The following NRXN3 variants were observed in gnomAD, a reference collection of about 807,000 sequenced individuals.
NRXN3 encodes neurexin III.
A neutral mutation model predicts 137.6 loss-of-function variants in NRXN3; 32 were observed. The observed-to-expected ratio is 0.23, with a 90% CI of 0.18 to 0.31. NRXN3 has a LOEUF of 0.31. Ranked by LOEUF, NRXN3 falls within the 10% of genes least tolerant of loss-of-function variation. NRXN3 has a pLI of 1.00. For synonymous variants in NRXN3, 798 were observed against 784.5 expected (o/e 1.02, Z -0.29); for missense variants, 1,574 against 2,062.5 (o/e 0.76, Z 4.59).
At chr14:79,298,443 C>T (rs1312191547) in intron 15 of NRXN3, among the ~76,000 whole-genome samples, 1 of 152,036 alleles carries the variant, frequency 6.6e-6, no homozygotes, top group Non-Finnish European at 1.5e-5. Flanking sequence ...ATCGAGCATT[C>T]TTAACCAGAT....
chr14:78,662,644 T>A (rs1238055196), intron 6 of NRXN3, among the ~76,000 whole-genome samples: 1 of 152,238 alleles, frequency 6.6e-6, no homozygotes, highest in Non-Finnish European at 1.5e-5. Context: ...TGATTTTATA[T>A]GATAGATCTA....
chr14:79,229,090 G>A (rs2071631020), intron 15 of NRXN3, among the ~76,000 whole-genome samples: 1 of 152,084 alleles, frequency 6.6e-6, no homozygotes. Context: ...TAGGACCCAA[G>A]TTAATCAAAT....
chr14:79,005,266 G>A (rs908026250), intron 15 of NRXN3, among the ~76,000 whole-genome samples: 6 of 152,128 alleles, frequency 3.9e-5, no homozygotes, highest in African/African-American at 4.8e-5. Flanking sequence ...TCCCTTGCTC[G>A]GTTTCTTGGC....
chr14:78,796,755 G>A (rs1037383981), intron 8 of NRXN3, among the ~76,000 whole-genome samples: 3 of 152,182 alleles, frequency 2.0e-5, no homozygotes, highest in Non-Finnish European at 2.9e-5. Flanking sequence ...CATCCAGGAG[G>A]AAGAGTCTTA....
chr14:78,708,879 C>T (rs757768878), intron 6 of NRXN3, among the ~76,000 whole-genome samples: 12 of 152,176 alleles, frequency 7.9e-5, no homozygotes, highest in Non-Finnish European at 1.6e-4. Flanking sequence ...AAGGGTGCTT[C>T]AGTAAATCAC....
rs184776718 is a variant in NRXN3, at chr14:78,222,992, C to T, written c.-703-19399C>T. ...ATATCCATCTCCACATAAAAGAATT[C>T]AAAACTTATTTTTGGTAATGTCACT... On this transcript the variant is annotated intron_variant, in intron 1 of 20. Coordinates refer to ENST00000335750, the MANE Select transcript of NRXN3 (RefSeq NM_001330195.2). 3.4e-3 allele frequency among the ~76,000 whole-genome samples: 517 copies of T among 152,276 alleles called. 2 individuals are homozygous for T. Among genetic ancestry groups the T allele is most frequent in the Non-Finnish European group, 4.9e-3 (332 of 68,008 alleles).
chr14:78,524,978 C>T (rs2096355328), intron 4 of NRXN3, among the ~76,000 whole-genome samples: 1 of 152,172 alleles, frequency 6.6e-6, no homozygotes. Context: ...CTAATCCGCT[C>T]GGCATAATCC....
chr14:79,087,941 A>AGTTGTTATTT (rs2048429993), intron 15 of NRXN3, among the ~76,000 whole-genome samples: 1 of 150,796 alleles, frequency 6.6e-6, no homozygotes, highest in Non-Finnish European at 1.5e-5. Flanking sequence ...GGAAATAACA[A>AGTTGTTATTT]CTAGTTGTTT....
At chr14:79,174,282 T>C (rs1256762902) in intron 15 of NRXN3, among the ~76,000 whole-genome samples, 1 of 151,756 alleles carries the variant, frequency 6.6e-6, no homozygotes, top group East Asian at 1.9e-4. Context: ...GAAGAAAAAA[T>C]TCAGATTATC....
At chr14:78,596,334 G>A (rs1435033714) in intron 4 of NRXN3, among the ~76,000 whole-genome samples, 1 of 152,144 alleles carries the variant, frequency 6.6e-6, no homozygotes, top group Admixed American at 6.5e-5. Flanking sequence ...AGGCAAGTGA[G>A]TCCCTTGGAC....
At chr14:78,336,201 A>G (rs2081445356) in intron 4 of NRXN3, among the ~76,000 whole-genome samples, 1 of 152,156 alleles carries the variant, frequency 6.6e-6, no homozygotes, top group Admixed American at 6.5e-5. Flanking sequence ...ACCACGCTTT[A>G]AAGAATTCCT....
intron 4 of NRXN3, among the ~76,000 whole-genome samples, chr14:78,549,434 C>T (rs952641319): frequency 2.6e-5 from 4 of 152,158 alleles, no homozygotes; most frequent in African/African-American, 9.7e-5. Flanking sequence ...TTCTCGAGCT[C>T]ATGCTCCCCT....
intron 16 of NRXN3, among the ~76,000 whole-genome samples, chr14:79,636,404 GTTTTTC>G (rs563493418): frequency 3.4e-4 from 51 of 152,030 alleles, no homozygotes; most frequent in African/African-American, 1.2e-3. Flanking sequence ...TTTTGTTTTT[GTTTTTC>G]TTTTTTTGTT....
chr14:78,171,361 C>G (rs1258877123), intron 1 of NRXN3, among the ~76,000 whole-genome samples: 1 of 144,510 alleles, frequency 6.9e-6, no homozygotes, highest in African/African-American at 2.6e-5. Flanking sequence ...TGTGTGTGTG[C>G]GCGGGTGTGT....
chr14:79,222,833 G>C (rs1302575797), intron 15 of NRXN3, among the ~76,000 whole-genome samples: 1 of 152,030 alleles, frequency 6.6e-6, no homozygotes, highest in Admixed American at 6.6e-5. Flanking sequence ...TTTTGGGTGA[G>C]GTGTGTGTTC....
chr14:78,748,334 G>A (rs2194533), intron 8 of NRXN3, among the ~76,000 whole-genome samples: 151,813 of 152,272 alleles, frequency 1, 75,678 homozygotes, highest in Non-Finnish European at 1. Context: ...AGAGAATACT[G>A]TATTCAAGAT....
chr14:78,912,938 A>G (rs1360730589), intron 10 of NRXN3, among the ~76,000 whole-genome samples: 2 of 152,144 alleles, frequency 1.3e-5, no homozygotes, highest in Admixed American at 1.3e-4. Context: ...GTGTTTATTC[A>G]TTCCTTGTTC....
intron 15 of NRXN3, among the ~76,000 whole-genome samples, chr14:79,137,265 T>A (rs913971857): frequency 6.6e-6 from 1 of 152,174 alleles, no homozygotes. Context: ...TGGAGGAAGG[T>A]GACAGGAGAG....
At chr14:79,535,610 C>T (rs1266192852) in intron 16 of NRXN3, among the ~76,000 whole-genome samples, 1 of 152,064 alleles carries the variant, frequency 6.6e-6, no homozygotes, top group Non-Finnish European at 1.5e-5. Context: ...ACCTGTTATA[C>T]ATTGAGCACA....
Sources: allele counts gnomAD v4.1 joint callset (sites outside exome capture counted in the v4.1 genomes callset), GRCh38; gene constraint gnomAD v4.1.1; transcripts MANE v1.5; gene names NCBI Gene and HGNC (gene_info 2026-07-23, HGNC 2026-07-21).